Variants in PPP4R1 observed in about 807,000 individuals in gnomAD.
PPP4R1 encodes serine/threonine-protein phosphatase 4 regulatory subunit 1.
PPP4R1 carries 42 observed loss-of-function variants against 111.2 expected under a neutral mutation model. The ratio of observed to expected loss-of-function variants is 0.38; its 90% confidence interval spans 0.29 to 0.49. The LOEUF is 0.49. Among genes scored for constraint, PPP4R1 ranks in the 20% least tolerant of loss-of-function variants. The pLI is 0.97. For missense variants in PPP4R1, 1,012 were observed against 1,161.6 expected (o/e 0.87, Z 1.87); for synonymous variants, 409 against 405.5 (o/e 1.01, Z -0.10).
chr18:9,557,613 T>A (rs2066608352), intron 14 of PPP4R1, among the ~76,000 whole-genome samples: 1 of 152,238 alleles, frequency 6.6e-6, no homozygotes, highest in South Asian at 2.1e-4. Flanking sequence ...GAGGAGAAAA[T>A]GCTTAGCAAT....
chr18:9,610,681 G>C (rs1340392914), intron 2 of PPP4R1, among the ~76,000 whole-genome samples: 1 of 151,896 alleles, frequency 6.6e-6, no homozygotes, highest in Non-Finnish European at 1.5e-5. Context: ...GGATGGTCTC[G>C]ATCTCCTGAC....
At chr18:9,609,645 CTGAGA>C (rs1415143800) in intron 2 of PPP4R1, among the ~76,000 whole-genome samples, 3 of 152,236 alleles carry the variant, frequency 2.0e-5, no homozygotes, top group Non-Finnish European at 4.4e-5. Flanking sequence ...TTAGTTACAG[CTGAGA>C]TAAAAGTTAA....
intron 6 of PPP4R1, 126 bp downstream of exon 6, chr18:9,587,963 C>T (rs1360256938): frequency 3.5e-5 from 42 of 1,194,064 alleles, no homozygotes; most frequent in Non-Finnish European, 4.8e-5. Flanking sequence ...GTGATCCACC[C>T]ACCTCGGCCT....
intron 4 of PPP4R1, among the ~76,000 whole-genome samples, chr18:9,593,030 C>T (rs574752912): frequency 3.1e-4 from 47 of 152,074 alleles, no homozygotes; most frequent in Non-Finnish European, 5.9e-4. Context: ...AACTGTTCAT[C>T]AAAAGATGAG....
intron 15 of PPP4R1, among the ~76,000 whole-genome samples, chr18:9,555,960 C>A (rs879945311): frequency 2.7e-4 from 41 of 149,368 alleles, no homozygotes; most frequent in Admixed American, 6.1e-4. Context: ...CACGGTGAAA[C>A]CCCATCTCTA....
At position 9,588,330 on chromosome 18, in the gene PPP4R1, G is replaced by C; in HGVS notation, c.439-95C>G. ...TAAACAAAGATTTCTCATCTCAAAG[G>C]GACCCATAACTGGCAAAACTCCGCA... On this transcript the variant is annotated intron_variant, in intron 5 of 19. Transcript: ENST00000400556. 1.0e-5 allele frequency: 14 copies of C among 1,357,034 alleles called. No homozygotes were observed. The South Asian group carries it at 1.9e-4, about 18-fold the overall frequency. The allele number at this position is 1,357,034 out of a possible 1,614,324, so 84.1% of individuals were successfully genotyped here.
intron 14 of PPP4R1, among the ~76,000 whole-genome samples, 174 bp downstream of exon 14, chr18:9,559,245 T>C (rs574145963): frequency 2.0e-4 from 30 of 152,354 alleles, no homozygotes; most frequent in African/African-American, 6.7e-4. Flanking sequence ...ATTGTGGGAC[T>C]CTGACACTGC....
chr18:9,557,773 A>G (rs1214705830), intron 14 of PPP4R1, among the ~76,000 whole-genome samples: 5 of 149,866 alleles, frequency 3.3e-5, no homozygotes, highest in Non-Finnish European at 7.4e-5. Context: ...GAGGCTGCAC[A>G]TGGCTTTGTT....
intron 2 of PPP4R1, among the ~76,000 whole-genome samples, chr18:9,603,367 T>C (rs1006132800): frequency 6.6e-6 from 1 of 152,152 alleles, no homozygotes; most frequent in Non-Finnish European, 1.5e-5. Context: ...ATCCATTTCA[T>C]TAAGAGATGC....
At chr18:9,597,694 A>C (rs1365284238) in intron 2 of PPP4R1, among the ~76,000 whole-genome samples, 1 of 152,224 alleles carries the variant, frequency 6.6e-6, no homozygotes, top group Non-Finnish European at 1.5e-5. Context: ...CTTCAAAAGA[A>C]ACAAACTATC....
intron 6 of PPP4R1, among the ~76,000 whole-genome samples, chr18:9,586,035 A>G (rs1392901896): frequency 6.6e-6 from 1 of 152,166 alleles, no homozygotes; most frequent in Non-Finnish European, 1.5e-5. Flanking sequence ...TGTTTTTTGA[A>G]TAAGCATCTC....
chr18:9,557,468 T>C, intron 14 of PPP4R1, 86 bp from the exon 15 acceptor site: 1 of 1,220,782 alleles, frequency 8.2e-7, no homozygotes, highest in Non-Finnish European at 1.1e-6. Context: ...CTAATTTATA[T>C]ATGAATGTTA....
intron 2 of PPP4R1, among the ~76,000 whole-genome samples, chr18:9,611,442 T>TG (rs1288131629): frequency 6.6e-6 from 1 of 152,164 alleles, no homozygotes; most frequent in East Asian, 1.9e-4. Context: ...CCAACCATCT[T>TG]GCTCTCTAAG....
At chr18:9,557,830 C>G (rs189247824) in intron 14 of PPP4R1, among the ~76,000 whole-genome samples, 177 of 152,180 alleles carry the variant, frequency 1.2e-3, no homozygotes, top group African/African-American at 4.1e-3. Flanking sequence ...GCACTAAGCA[C>G]ATGCTAGAAC....
At position 9,577,048 on chromosome 18, in the gene PPP4R1, G is replaced by C; in HGVS notation, c.1046+16C>G. ...AAACAAGGTTTTAAAATTAGAAAATGGTTTCAAAATTATACCTATTTTTGT... is the reference window on the plus strand; with the variant it reads ...AAACAAGGTTTTAAAATTAGAAAATCGTTTCAAAATTATACCTATTTTTGT... On this transcript the variant is annotated intron_variant, in intron 10 of 19. Transcript: ENST00000400556. 6.6e-7 allele frequency: 1 copy of C among 1,506,256 alleles called. No individual in the cohort carries two copies. The highest frequency in any genetic ancestry group is 9.0e-7 in the Non-Finnish European group (1 of 1,115,416). 93.3% of individuals were successfully genotyped at this position (1,506,256 alleles called of 1,614,324 possible). A position where few individuals can be genotyped will look rare whatever the true frequency, so the allele number is the denominator to read the frequency against.
intron 11 of PPP4R1, chr18:9,563,838 C>G (rs921256295): frequency 4.5e-6 from 1 of 224,664 alleles, no homozygotes; most frequent in African/African-American, 2.3e-5. Flanking sequence ...CTGCCTCCGG[C>G]TTATTAAAAG....
chr18:9,570,400 C>T lies in PPP4R1; in HGVS notation c.1330G>A (p.Asp444Asn), dbSNP rs1043727597. 2 of 1,613,902 alleles carry T rather than the reference C, an allele frequency of 1.2e-6. No homozygotes were observed. Among genetic ancestry groups the T allele is most frequent in the African/African-American group, 2.7e-5 (2 of 74,908 alleles). ...LRPEVGTTSQ[D>N]SALLDQELYN... ...AATTCCTGATCTAAGAGAGCTGAATCTTGTGAAGTGGTGCCAACCTCTGGT... is the reference window on the plus strand; with the variant it reads ...AATTCCTGATCTAAGAGAGCTGAATTTTGTGAAGTGGTGCCAACCTCTGGT... Residue 444 changes from aspartate (D) to asparagine (N), a missense_variant, in exon 11 of 20, where the codon GAT becomes AAT. Coordinates refer to ENST00000400556, the MANE Select transcript of PPP4R1 (RefSeq NM_001042388.3).
chr18:9,564,525 T>C (rs916759371), intron 11 of PPP4R1, among the ~76,000 whole-genome samples: 1 of 152,162 alleles, frequency 6.6e-6, no homozygotes, highest in Admixed American at 6.5e-5. Flanking sequence ...CACAAAAAGT[T>C]GTAGTGGAAT....
upstream of PPP4R1, among the ~76,000 whole-genome samples, chr18:9,616,140 A>G (rs1379880462): frequency 1.3e-5 from 2 of 152,204 alleles, no homozygotes; most frequent in Non-Finnish European, 2.9e-5. Context: ...ATCAACAGCA[A>G]TTGGTCCCAA....
Sources: gnomAD v4.1 joint callset for allele counts (sites outside exome capture counted in the v4.1 genomes callset) on GRCh38, gnomAD v4.1.1 for gene constraint, MANE v1.5 for transcripts, NCBI Gene and HGNC (gene_info 2026-07-23, HGNC 2026-07-21) for gene names.